The following LNX2 variants were observed in gnomAD, a reference collection of about 807,000 sequenced individuals.
LNX2 encodes the protein ligand of numb-protein X 2.
A neutral mutation model predicts 66.2 loss-of-function variants in LNX2; 35 were observed. That is an observed-to-expected ratio of 0.53 (90% CI 0.40 to 0.70). LNX2 has a LOEUF of 0.70. Ranked by LOEUF, LNX2 falls within the 30% of genes least tolerant of loss-of-function variation. LNX2 has a pLI of 0.00. For synonymous variants in LNX2, 337 were observed against 315.6 expected, an observed-to-expected ratio of 1.07 and a Z score of -0.72; for missense variants, 791 against 850.8, an observed-to-expected ratio of 0.93 and a Z score of 0.87.
intron 2 of LNX2, among the ~76,000 whole-genome samples, chr13:27,570,807 A>C (rs1955269943): frequency 6.6e-6 from 1 of 152,214 alleles, no homozygotes; most frequent in South Asian, 2.1e-4. Context: ...GCTAGTGTTC[A>C]ATGGAAAAAA....
At position 27,581,418 on chromosome 13, in the gene LNX2, A is replaced by C; in HGVS notation, c.286T>G (p.Cys96Gly). Residue 96 changes from cysteine (C) to glycine (G), a missense_variant, in exon 2 of 10, where the codon TGC (cysteine) becomes GGC (glycine). Cys to Gly is a radical substitution (Grantham distance 159). Coordinates refer to ENST00000316334, the MANE Select transcript of LNX2 (RefSeq NM_153371.4). ...LDRKRLHFKL[C>G]KKSSILVHKL... ...TGAACTAGAATACTAGACTTCTTGC[A>C]CAACTTAAAATGAAGTCTTTTCCGG... 6.2e-7 allele frequency: 1 copy of C among 1,608,478 alleles called. No homozygotes were observed. Among genetic ancestry groups the C allele is most frequent in the Non-Finnish European group, 8.5e-7 (1 of 1,175,928 alleles).
upstream of LNX2, chr13:27,621,028 AG>A (rs1230828733): frequency 6.5e-6 from 1 of 152,894 alleles, no homozygotes; most frequent in African/African-American, 2.4e-5. Context: ...CCGATTCGAG[AG>A]GAAGCGCACC....
At chr13:27,606,924 A>G (rs1276382435) in intron 1 of LNX2, among the ~76,000 whole-genome samples, 1 of 152,214 alleles carries the variant, frequency 6.6e-6, no homozygotes, top group Non-Finnish European at 1.5e-5. Context: ...AAAAATAAGA[A>G]CAATTTTATG....
intron 1 of LNX2, among the ~76,000 whole-genome samples, chr13:27,619,713 A>G (rs1955871225): frequency 6.6e-6 from 1 of 152,266 alleles, no homozygotes; most frequent in African/African-American, 2.4e-5. Flanking sequence ...TACATGAGTC[A>G]AAAGTCCTTG....
In LNX2 at chr13:27,559,858, C is replaced by G. The variant is rs1375543242; in HGVS notation, c.1352G>C (p.Arg451Thr). The change falls in exon 6 of 10, where the codon AGA (arginine) becomes ACA (threonine). Residue 451 changes from arginine to threonine, a missense_variant. By Grantham distance (71) the Arg-to-Thr change is moderately conservative (BLOSUM62 -1). Transcript: ENST00000316334. Reference sequence around the variant, plus strand: ...AATCCTCACCTTATGTGAGCTTGGTCTGCTATAATACGGTGGTGGTGTGTG... The same window carrying G: ...AATCCTCACCTTATGTGAGCTTGGTGTGCTATAATACGGTGGTGGTGTGTG... ...QHHTPPPYYS[R>T]PSSHKDLTQC... is the part of the protein sequence containing the mutation. 3 of 1,572,070 alleles carry G rather than the reference C, an allele frequency of 1.9e-6. No individual in the cohort carries two copies. Among genetic ancestry groups the G allele is most frequent in the Non-Finnish European group, 2.6e-6 (3 of 1,156,846 alleles).
chr13:27,595,660 T>A (rs1165031697), intron 1 of LNX2, among the ~76,000 whole-genome samples: 1 of 152,210 alleles, frequency 6.6e-6, no homozygotes, highest in Non-Finnish European at 1.5e-5. Flanking sequence ...TTCTATCATA[T>A]CTGTCTCTAT....
At chr13:27,563,330 A>G (rs1008400048) in intron 4 of LNX2, among the ~76,000 whole-genome samples, 2 of 152,242 alleles carry the variant, frequency 1.3e-5, no homozygotes, top group Non-Finnish European at 2.9e-5. Context: ...CTTATTTTAG[A>G]TAAGTGACTT....
intron 2 of LNX2, 91 bp downstream of exon 2, chr13:27,581,206 C>T (rs771800673): frequency 2.8e-4 from 286 of 1,023,682 alleles, no homozygotes; most frequent in Admixed American, 1.3e-3. Flanking sequence ...TACTAGTGCT[C>T]TGGTTTGTTT....
Position 27,569,088 on chromosome 13 carries a change from G to A in LNX2, c.596C>T (p.Thr199Ile), listed in dbSNP as rs148169386. ...GTCAAGGCCAGGCTCCTCACTCCAT[G>A]TGGAAAGAGACGCTGATGTCAAGTG... ...ERHLTSASLSTWSEEPGLDNP... is the reference protein window; with the variant it reads ...ERHLTSASLSIWSEEPGLDNP... The change falls in exon 3 of 10, where the codon ACA becomes ATA. Residue 199 changes from threonine to isoleucine, a missense_variant. By Grantham distance (89) the Thr-to-Ile change is moderately conservative. Coordinates refer to ENST00000316334, the MANE Select transcript of LNX2 (RefSeq NM_153371.4). 2.0e-4 allele frequency: 329 copies of A among 1,613,798 alleles called. No individual in the cohort carries two copies. The African/African-American group carries it at 4.0e-3, about 20-fold the overall frequency.
chr13:27,590,236 T>C (rs1593256682), intron 1 of LNX2, among the ~76,000 whole-genome samples: 1 of 152,056 alleles, frequency 6.6e-6, no homozygotes. Flanking sequence ...TTTTTATTTT[T>C]ATTATTTATT....
At chr13:27,583,053 C>G (rs369071316) in intron 1 of LNX2, among the ~76,000 whole-genome samples, 27 of 151,912 alleles carry the variant, frequency 1.8e-4, no homozygotes, top group African/African-American at 6.5e-4. Flanking sequence ...CTATTTTATT[C>G]CACTAAAAGA....
At chr13:27,590,384 A>C (rs533820036) in intron 1 of LNX2, among the ~76,000 whole-genome samples, 2 of 152,070 alleles carry the variant, frequency 1.3e-5, no homozygotes, top group East Asian at 3.9e-4. Context: ...ATGCGTGGCT[A>C]ATTTTTATAT....
intron 1 of LNX2, among the ~76,000 whole-genome samples, chr13:27,589,348 T>C (rs913914967): frequency 1.3e-5 from 2 of 152,234 alleles, no homozygotes; most frequent in African/African-American, 4.8e-5. Flanking sequence ...CTACTGGCTT[T>C]GCTTAAATAG....
At chr13:27,570,937 T>C (rs571439070) in intron 2 of LNX2, among the ~76,000 whole-genome samples, 10 of 152,310 alleles carry the variant, frequency 6.6e-5, no homozygotes, top group South Asian at 6.2e-4. Flanking sequence ...TTATAGTTAT[T>C]AAACACACAA....
At chr13:27,608,796 T>TG (rs1955744098) in intron 1 of LNX2, among the ~76,000 whole-genome samples, 1 of 138,724 alleles carries the variant, frequency 7.2e-6, no homozygotes, top group South Asian at 2.4e-4. Context: ...TTTCTTTGAG[T>TG]TTTTTGTTTT....
At position 27,611,317 on chromosome 13, in the gene LNX2, G is replaced by C. The variant is rs1220504698; in HGVS notation, c.-101+9058C>G. ...ATGCTACAACATGGATGAACCTTGA[G>C]GTCATCATCCTAAGTGAAATAAGCA... is the stretch of plus-strand genomic sequence containing the variant. On this transcript the variant is annotated intron_variant, in intron 1 of 9. Transcript: ENST00000316334. Among the ~76,000 whole-genome samples, 3 of 152,116 alleles carry C rather than the reference G, an allele frequency of 2.0e-5. No individual in the cohort carries two copies. The East Asian group carries it at 5.8e-4, about 29-fold the overall frequency.
intron 9 of LNX2, among the ~76,000 whole-genome samples, chr13:27,549,700 G>C (rs1954983701): frequency 6.6e-6 from 1 of 152,168 alleles, no homozygotes; most frequent in South Asian, 2.1e-4. Context: ...CACCGCGCCA[G>C]GCATCCTGTA....
intron 2 of LNX2, among the ~76,000 whole-genome samples, chr13:27,574,735 C>A (rs1955324801): frequency 6.6e-6 from 1 of 152,130 alleles, no homozygotes; most frequent in African/African-American, 2.4e-5. Context: ...AGTAGGAAAA[C>A]CACAAGATAT....
chr13:27,590,531 GTT>G (rs987446580), intron 1 of LNX2, among the ~76,000 whole-genome samples: 1 of 147,144 alleles, frequency 6.8e-6, no homozygotes. Flanking sequence ...CCCCAGCCCG[GTT>G]TTTTTTTTTA....
Sources: allele counts gnomAD v4.1 joint callset (sites outside exome capture counted in the v4.1 genomes callset), GRCh38; gene constraint gnomAD v4.1.1; transcripts MANE v1.5; gene names NCBI Gene and HGNC (gene_info 2026-07-23, HGNC 2026-07-21).